The following NDST4 variants were observed in gnomAD, a reference collection of about 807,000 sequenced individuals.
NDST4 encodes the protein N-heparan sulfate sulfotransferase 4.
A neutral mutation model predicts 100.8 loss-of-function variants in NDST4; 63 were observed. The ratio of observed to expected loss-of-function variants is 0.62; its 90% CI spans 0.51 to 0.77. The LOEUF is 0.77. Among genes scored for constraint, NDST4 ranks in the 30% least tolerant of loss-of-function variants. The pLI is 0.00. For synonymous variants in NDST4, 377 were observed against 361.8 expected (o/e 1.04, Z -0.48); for missense variants, 943 against 1,018.4 (o/e 0.93, Z 1.01).
intron 9 of NDST4, among the ~76,000 whole-genome samples, chr4:114,847,874 C>T (rs138307635): frequency 5.9e-5 from 9 of 151,958 alleles, no homozygotes; most frequent in African/African-American, 9.7e-5. Flanking sequence ...AACATTGTTG[C>T]GAAGACAAAT....
At chr4:115,057,853 TAAC>T (rs1266642119) in intron 2 of NDST4, among the ~76,000 whole-genome samples, 3 of 152,080 alleles carry the variant, frequency 2.0e-5, no homozygotes, top group Non-Finnish European at 2.9e-5. Context: ...AATGTAAGCT[TAAC>T]AATAATATAT....
chr4:114,931,694 A>AT (rs1664775886), intron 6 of NDST4, among the ~76,000 whole-genome samples: 1 of 151,880 alleles, frequency 6.6e-6, no homozygotes, highest in Admixed American at 6.6e-5. Context: ...GCAAAAAGGG[A>AT]TAAAAACAGA....
At chr4:114,986,488 C>T (rs1431106624) in intron 2 of NDST4, among the ~76,000 whole-genome samples, 1 of 152,016 alleles carries the variant, frequency 6.6e-6, no homozygotes, top group African/African-American at 2.4e-5. Flanking sequence ...CATTCTGGTT[C>T]TCTCCCTGAG....
chr4:114,932,343 TCACAA>T (rs1725532972), intron 6 of NDST4, among the ~76,000 whole-genome samples: 3 of 151,904 alleles, frequency 2.0e-5, no homozygotes, highest in Non-Finnish European at 4.4e-5. Context: ...AAAATATTCA[TCACAA>T]CACAATTAGT....
Position 114,974,039 on chromosome 4 carries a change from T to G in NDST4, c.1066+3148A>C, listed in dbSNP as rs191288354. Among the ~76,000 whole-genome samples, 113 of 152,078 alleles carry G rather than the reference T, an allele frequency of 7.4e-4. No homozygotes were observed. In the East Asian group the frequency reaches 0.017, roughly 22 times the overall value. On this transcript the variant is annotated intron_variant, in intron 3 of 13. Transcript: ENST00000264363. ...TTACTTTTTGATAATATTTGAATCT[T>G]ATATGAAAATAATTTTAAAATTAAT...
chr4:114,935,234 T>C lies in NDST4; in HGVS notation c.1508A>G (p.Glu503Gly). 6.2e-7 allele frequency: 1 copy of C among 1,608,532 alleles called. No individual in the cohort carries two copies. Among genetic ancestry groups the C allele is most frequent in the South Asian group, 1.1e-5 (1 of 90,072 alleles). Residue 503 changes from glutamate (E) to glycine (G), a missense_variant, in exon 6 of 14, where the codon GAA becomes GGA. Physicochemically the swap from Glu to Gly is moderately conservative, Grantham distance 98. Coordinates refer to ENST00000264363, the MANE Select transcript of NDST4 (RefSeq NM_022569.3). ...GTTTAGAAGGATTGTGAGAAAAAGT[T>C]CACCTCCTCTGATACTTTTATCCAG... ...QELDKSIRGG[E>G]LFLTILLNPI...
chr4:114,927,981 G>C (rs780338180), intron 6 of NDST4, among the ~76,000 whole-genome samples: 5 of 152,058 alleles, frequency 3.3e-5, no homozygotes, highest in Non-Finnish European at 7.4e-5. Context: ...TGAACACTTC[G>C]CACTAAAAAC....
intron 10 of NDST4, among the ~76,000 whole-genome samples, chr4:114,841,554 T>C (rs1269704923): frequency 6.6e-6 from 1 of 152,236 alleles, no homozygotes. Context: ...TTCTCTTTTA[T>C]TGAACTGGTT....
At chr4:114,838,916 T>G (rs1291935072) in intron 11 of NDST4, among the ~76,000 whole-genome samples, 1 of 152,108 alleles carries the variant, frequency 6.6e-6, no homozygotes, top group Non-Finnish European at 1.5e-5. Flanking sequence ...ACTCCCCATT[T>G]GGCAGCCTAG....
chr4:114,880,617 A>T (rs1444097299), intron 6 of NDST4, among the ~76,000 whole-genome samples: 1 of 152,184 alleles, frequency 6.6e-6, no homozygotes, highest in Non-Finnish European at 1.5e-5. Flanking sequence ...GCAATCAACC[A>T]ATTGAGAAAC....
chr4:115,020,133 G>A (rs1420980009), intron 2 of NDST4, among the ~76,000 whole-genome samples: 1 of 152,124 alleles, frequency 6.6e-6, no homozygotes, highest in African/African-American at 2.4e-5. Flanking sequence ...GCAGCATTAA[G>A]TGCAATTCTG....
intron 9 of NDST4, among the ~76,000 whole-genome samples, chr4:114,846,898 G>A (rs1330655159): frequency 3.3e-5 from 5 of 152,124 alleles, no homozygotes; most frequent in African/African-American, 9.7e-5. Flanking sequence ...TCACAGATCA[G>A]AGAAAATTGC....
At chr4:114,881,232 G>A (rs2126201194) in intron 6 of NDST4, among the ~76,000 whole-genome samples, 1 of 152,138 alleles carries the variant, frequency 6.6e-6, no homozygotes, top group East Asian at 1.9e-4. Flanking sequence ...GGTTGCTGTA[G>A]GTGTATGATT....
chr4:115,059,217 A>G (rs1048485262), intron 2 of NDST4, among the ~76,000 whole-genome samples: 8 of 152,064 alleles, frequency 5.3e-5, no homozygotes, highest in Non-Finnish European at 1.0e-4. Flanking sequence ...ATTAATCATA[A>G]CCAAAGAAAA....
intron 6 of NDST4, among the ~76,000 whole-genome samples, chr4:114,898,477 C>CG (rs1724765237): frequency 6.6e-6 from 1 of 152,058 alleles, no homozygotes; most frequent in Admixed American, 6.6e-5. Context: ...CCCTTGAAGT[C>CG]GGGTAGTGTC....
chr4:115,078,633 G>C (rs1050892092), intron 1 of NDST4, among the ~76,000 whole-genome samples: 2 of 152,100 alleles, frequency 1.3e-5, no homozygotes. Flanking sequence ...GAGGTCAGGA[G>C]TTCAAGATCA....
intron 1 of NDST4, among the ~76,000 whole-genome samples, chr4:115,101,593 A>G (rs1729731409): frequency 6.6e-6 from 1 of 152,116 alleles, no homozygotes; most frequent in East Asian, 1.9e-4. Context: ...ACTATTTATG[A>G]GTCAAGAAAT....
chr4:114,892,315 T>G (rs1724615580), intron 6 of NDST4, among the ~76,000 whole-genome samples: 1 of 152,176 alleles, frequency 6.6e-6, no homozygotes, highest in African/African-American at 2.4e-5. Context: ...TTTAGCTTGC[T>G]TATATTTTTC....
At chr4:114,894,011 C>T (rs1385636056) in intron 6 of NDST4, among the ~76,000 whole-genome samples, 2 of 152,076 alleles carry the variant, frequency 1.3e-5, no homozygotes, top group East Asian at 3.9e-4. Context: ...TTCCCCATTG[C>T]TTGTTTTTGT....
Sources: allele counts gnomAD v4.1 joint callset (sites outside exome capture counted in the v4.1 genomes callset), GRCh38; gene constraint gnomAD v4.1.1; transcripts MANE v1.5; gene names NCBI Gene and HGNC (gene_info 2026-07-23, HGNC 2026-07-21).